Variants in SFSWAP observed in about 807,000 individuals in gnomAD.
The protein encoded by SFSWAP is splicing factor SWAP, also known as splicing factor, suppressor of white-apricot homolog.
Under a neutral mutation model 100.7 loss-of-function variants are expected in SFSWAP, and 17 were observed. That is an observed-to-expected ratio of 0.17 (90% confidence interval 0.12 to 0.25). The LOEUF (loss-of-function observed/expected upper bound fraction) is 0.25, where lower values mean the gene tolerates loss of function less well. SFSWAP is among the 10% of genes least tolerant of loss of function. The pLI is 1.00. For missense variants in SFSWAP, 1,005 were observed against 1,262.6 expected, an observed-to-expected ratio of 0.80 and a Z score of 3.09; for synonymous variants, 504 against 510.1, an observed-to-expected ratio of 0.99 and a Z score of 0.16.
intron 7 of SFSWAP, among the ~76,000 whole-genome samples, chr12:131,745,324 G>A (rs1175323245): frequency 6.6e-6 from 1 of 152,142 alleles, no homozygotes; most frequent in Non-Finnish European, 1.5e-5. Flanking sequence ...GGATCTTTTA[G>A]GAATTCTTGA....
rs899600428 is a variant in SFSWAP at position 131,734,084 on chromosome 12, G to A, written c.1081+5656G>A. 5.9e-5 allele frequency among the ~76,000 whole-genome samples: 9 copies of A among 152,224 alleles called. No individual in the cohort carries two copies. The highest frequency in any genetic ancestry group is 2.2e-4 in the African/African-American group (9 of 41,462). On this transcript the variant is annotated intron_variant, in intron 7 of 17. Transcript: ENST00000261674. This position sits in a 1 kb window ranked among gnomAD's most constrained non-coding sequence, Gnocchi z 4.9. The stretch of plus-strand genomic sequence containing the variant: ...TGTGGCACTGAGACCCAACAGCTCA[G>A]GTGACAGTGACACCTGCAGCGGAGG...
At chr12:131,753,514 C>G in intron 8 of SFSWAP, 151 bp downstream of exon 8, 1 of 1,043,028 alleles carries the variant, frequency 9.6e-7, no homozygotes, top group African/African-American at 1.6e-5. Context: ...CCCCAAGTTA[C>G]AAAGTTGACA....
chr12:131,779,565 G>A (rs11246804), intron 14 of SFSWAP, among the ~76,000 whole-genome samples: 60,737 of 152,018 alleles, frequency 0.4, 13,144 homozygotes, highest in Non-Finnish European at 0.49. Flanking sequence ...CCTTGGGTTC[G>A]CTGCTGAACA....
chr12:131,789,988 C>T (rs768303477), intron 15 of SFSWAP, among the ~76,000 whole-genome samples: 1 of 152,226 alleles, frequency 6.6e-6, no homozygotes. Flanking sequence ...CTGCTCCCAG[C>T]AGCTGTCTTC....
chr12:131,790,854 A>T (rs187438343), intron 15 of SFSWAP, among the ~76,000 whole-genome samples: 1 of 152,226 alleles, frequency 6.6e-6, no homozygotes, highest in Non-Finnish European at 1.5e-5. Context: ...CGAAGGATGC[A>T]TAACCTAATT....
At chr12:131,789,500 A>AC (rs562694147) in intron 15 of SFSWAP, among the ~76,000 whole-genome samples, 72 of 152,040 alleles carry the variant, frequency 4.7e-4, no homozygotes, top group Admixed American at 1.7e-3. Context: ...TAGCCACTGC[A>AC]CCCCCCACCT....
At chr12:131,717,388 AT>A (rs1423346241) in intron 3 of SFSWAP, among the ~76,000 whole-genome samples, 1 of 151,952 alleles carries the variant, frequency 6.6e-6, no homozygotes, top group South Asian at 2.1e-4. Context: ...TTCTATATCC[AT>A]TTTTTTCCCT....
At chr12:131,731,503 G>A (rs914641701) in intron 7 of SFSWAP, among the ~76,000 whole-genome samples, 1 of 152,172 alleles carries the variant, frequency 6.6e-6, no homozygotes, top group Non-Finnish European at 1.5e-5. Flanking sequence ...AGTTGCAGGT[G>A]GAGACAGCAG....
chr12:131,791,741 C>CA (rs1885241860), intron 15 of SFSWAP, among the ~76,000 whole-genome samples: 1 of 151,812 alleles, frequency 6.6e-6, no homozygotes, highest in Non-Finnish European at 1.5e-5. Flanking sequence ...GACTCCGTCT[C>CA]AAAAAACAAA....
intron 7 of SFSWAP, among the ~76,000 whole-genome samples, chr12:131,745,247 A>T (rs1881003007): frequency 6.6e-6 from 1 of 152,230 alleles, no homozygotes; most frequent in Admixed American, 6.5e-5. Flanking sequence ...TATTCTTGCA[A>T]TATGAGATTT....
chr12:131,766,118 C>A lies in SFSWAP; in HGVS notation c.1952C>A (p.Ala651Glu). Residue 651 changes from alanine to glutamate, a missense_variant and splice_region_variant, in exon 13 of 18, where the codon GCA becomes GAA. This residue lies in a region of SFSWAP where 82 missense variants were observed against 131.0 expected (regional missense o/e 0.63). Transcript: ENST00000261674. The stretch of plus-strand genomic sequence containing the variant: ...CTTTTTTCTTTGTTTATTCCTTAAG[C>A]AAAGCAAAAGCTGGAAGATCGCCTC... Reference protein sequence around the residue: ...LTQEELEAKQAKQKLEDRLAA... With the variant: ...LTQEELEAKQEKQKLEDRLAA... The A allele has an allele frequency of 6.2e-7, 1 of 1,606,530 alleles. No individual in the cohort carries two copies. Among genetic ancestry groups the A allele is most frequent in the Admixed American group, 1.7e-5 (1 of 57,550 alleles).
In SFSWAP at chr12:131,753,337, G is replaced by A. The variant is rs762167832; in HGVS notation, c.1296G>A (p.Gly432=). The change falls in exon 8 of 18, where the codon GGG becomes GGA. Residue 432 remains glycine (G), a synonymous_variant. Coordinates refer to ENST00000261674, the MANE Select transcript of SFSWAP (RefSeq NM_004592.4). ...PPPTTAETSS[G]ATSTTTTTSA... is the part of the protein sequence containing the mutation. ...CAACCACAGCAGAGACTAGCAGCGG[G>A]GCCACCTCCACAACCACCACCACAA... 1.2e-6 allele frequency: 2 copies of A among 1,612,438 alleles called. No individual in the cohort carries two copies. The highest frequency in any genetic ancestry group is 2.7e-5 in the African/African-American group (2 of 74,874).
chr12:131,783,201 TTAAAG>T (rs1884628790), intron 14 of SFSWAP, among the ~76,000 whole-genome samples: 1 of 150,164 alleles, frequency 6.7e-6, no homozygotes, highest in South Asian at 2.1e-4. Context: ...AAAAAAAAGA[TTAAAG>T]TAAAATACTT....
rs1383331243 is a variant in SFSWAP, at chr12:131,734,197, C to T, written c.1081+5769C>T. On this transcript the variant is annotated intron_variant, in intron 7 of 17. Transcript: ENST00000261674. The surrounding 1 kb of genome is among the most constrained non-coding windows in gnomAD (Gnocchi z 4.9). ...GTTCATCGCTGGCTCCTGCCGCCCT[C>T]GAGGACTTGAAGGCTGACGTTGGGC... Among the ~76,000 whole-genome samples, 1 of 152,206 alleles carries T rather than the reference C, an allele frequency of 6.6e-6. No homozygotes were observed. The highest frequency in any genetic ancestry group is 1.5e-5 in the Non-Finnish European group (1 of 68,022).
At chr12:131,745,430 G>T (rs192002805) in intron 7 of SFSWAP, among the ~76,000 whole-genome samples, 451 of 152,258 alleles carry the variant, frequency 3.0e-3, no homozygotes, top group Non-Finnish European at 4.9e-3. Flanking sequence ...GAGTTTCTCC[G>T]CCCTGATTTC....
At chr12:131,769,468 C>T (rs1302342913) in intron 13 of SFSWAP, among the ~76,000 whole-genome samples, 1 of 152,174 alleles carries the variant, frequency 6.6e-6, no homozygotes, top group Non-Finnish European at 1.5e-5. Flanking sequence ...CATAAAATTT[C>T]CAGTGAAACT....
At position 131,799,133 on chromosome 12, in the gene SFSWAP, G is replaced by C. The variant is rs202209049; in HGVS notation, c.2790+24G>C. 1.9e-6 allele frequency: 3 copies of C among 1,584,058 alleles called. No homozygotes were observed. In the Admixed American group the frequency reaches 5.0e-5, roughly 26 times the overall value. On this transcript the variant is annotated intron_variant, in intron 17 of 17. Coordinates refer to ENST00000261674, the MANE Select transcript of SFSWAP (RefSeq NM_004592.4). ...AGGTCAGTGGGCACGCCCCCCTCCC[G>C]CTCCCAGCCTTTCATCAAGGGGCCT... is the stretch of plus-strand genomic sequence containing the variant.
chr12:131,773,952 A>G (rs1037530970), intron 13 of SFSWAP, among the ~76,000 whole-genome samples: 2 of 152,240 alleles, frequency 1.3e-5, no homozygotes, highest in Non-Finnish European at 2.9e-5. Context: ...CACGAGGGCC[A>G]AAGACCCACA....
At chr12:131,765,247 A>C (rs1382028056) in intron 12 of SFSWAP, among the ~76,000 whole-genome samples, 1 of 152,246 alleles carries the variant, frequency 6.6e-6, no homozygotes, top group African/African-American at 2.4e-5. Context: ...CTCTGCATTA[A>C]AGCAGTCAAA....
Sources: allele counts gnomAD v4.1 joint callset (sites outside exome capture counted in the v4.1 genomes callset), GRCh38; gene constraint gnomAD v4.1.1; regional missense constraint gnomAD v4.1.1; non-coding constraint Gnocchi (gnomAD v3.1); transcripts MANE v1.5; gene names NCBI Gene and HGNC (gene_info 2026-07-23, HGNC 2026-07-21).